Variants in DSCAML1 observed in about 807,000 individuals in gnomAD.
The protein encoded by DSCAML1 is DS cell adhesion molecule like 1.
Under a neutral mutation model 200.5 loss-of-function variants are expected in DSCAML1, and 38 were observed. The observed-to-expected ratio is 0.19, with a 90% CI of 0.15 to 0.25. DSCAML1 has a LOEUF of 0.25. Ranked by LOEUF, DSCAML1 falls within the 10% of genes least tolerant of loss-of-function variation. The probability of loss-of-function intolerance (pLI) is 1.00; values close to 1 mark genes in which losing one functional copy is unlikely to be tolerated. For synonymous variants in DSCAML1, 1,215 were observed against 1,165.0 expected (o/e 1.04, Z -0.87); for missense variants, 2,223 against 2,858.8 (o/e 0.78, Z 5.07).
chr11:117,559,335 C>T (rs956506750), intron 3 of DSCAML1, among the ~76,000 whole-genome samples: 1 of 152,150 alleles, frequency 6.6e-6, no homozygotes, highest in Admixed American at 6.5e-5. Context: ...CAAATCTTCA[C>T]ATTCCTTGTC....
At chr11:117,709,752 C>T (rs893869555) in intron 3 of DSCAML1, 2 of 454,568 alleles carry the variant, frequency 4.4e-6, no homozygotes, top group Non-Finnish European at 8.8e-6. Context: ...CTTCAGGGCA[C>T]TGGAAAGTCT....
At chr11:117,448,318 A>G (rs988666291) in intron 20 of DSCAML1, among the ~76,000 whole-genome samples, 5 of 152,194 alleles carry the variant, frequency 3.3e-5, no homozygotes, top group African/African-American at 9.6e-5. Flanking sequence ...ATCTGAGGCT[A>G]TAGAATTGCT....
chr11:117,806,926 T>C (rs1407305149), intron 1 of DSCAML1, among the ~76,000 whole-genome samples: 1 of 152,256 alleles, frequency 6.6e-6, no homozygotes, highest in Non-Finnish European at 1.5e-5. Flanking sequence ...CCCATCACCA[T>C]GAATTTTTCT....
intron 14 of DSCAML1, among the ~76,000 whole-genome samples, chr11:117,479,559 G>A (rs991484341): frequency 3.1e-4 from 47 of 152,144 alleles, no homozygotes; most frequent in Non-Finnish European, 2.8e-4. Context: ...CCCCAGATGC[G>A]GGGTGCCCAT....
At chr11:117,482,208 G>C in intron 11 of DSCAML1, 46 bp from the exon 12 acceptor site, 1 of 1,606,954 alleles carries the variant, frequency 6.2e-7, no homozygotes, top group African/African-American at 1.3e-5. Flanking sequence ...CGGGAGACCA[G>C]CCTGGAGGAG....
chr11:117,793,416 C>T (rs1200204023), intron 1 of DSCAML1, among the ~76,000 whole-genome samples: 2 of 152,158 alleles, frequency 1.3e-5, no homozygotes, highest in Non-Finnish European at 2.9e-5. Flanking sequence ...TGAGCATCTG[C>T]CCTCCCCTCT....
intron 3 of DSCAML1, among the ~76,000 whole-genome samples, chr11:117,553,581 C>T (rs900733605): frequency 6.6e-6 from 1 of 152,198 alleles, no homozygotes; most frequent in African/African-American, 2.4e-5. Context: ...TGAGATACTA[C>T]CTCATTCCCA....
chr11:117,692,433 TC>T (rs1170668936), intron 3 of DSCAML1, among the ~76,000 whole-genome samples: 1 of 151,666 alleles, frequency 6.6e-6, no homozygotes, highest in African/African-American at 2.4e-5. Context: ...CTCCCATCCC[TC>T]CCCCAAACAC....
At chr11:117,709,394 C>T (rs2053804360) in intron 3 of DSCAML1, among the ~76,000 whole-genome samples, 1 of 152,158 alleles carries the variant, frequency 6.6e-6, no homozygotes, top group Non-Finnish European at 1.5e-5. Flanking sequence ...CGAGTGAGCT[C>T]TATGGTATCT....
chr11:117,810,029 AT>A (rs1456825819), intron 1 of DSCAML1, among the ~76,000 whole-genome samples: 90 of 150,414 alleles, frequency 6.0e-4, no homozygotes, highest in African/African-American at 2.2e-3. Flanking sequence ...ATATTCAAAT[AT>A]TTTCACACAC....
intron 3 of DSCAML1, among the ~76,000 whole-genome samples, chr11:117,659,021 T>C (rs926097817): frequency 6.6e-6 from 1 of 152,126 alleles, no homozygotes; most frequent in Non-Finnish European, 1.5e-5. Flanking sequence ...CACCTCCCTC[T>C]CCTCTGACCC....
At chr11:117,507,463 G>A (rs1227699803) in intron 8 of DSCAML1, among the ~76,000 whole-genome samples, 1 of 152,200 alleles carries the variant, frequency 6.6e-6, no homozygotes, top group Non-Finnish European at 1.5e-5. Flanking sequence ...GAGCAGCCAG[G>A]TGTGGACACA....
At position 117,431,223 on chromosome 11, in the gene DSCAML1, A is replaced by G. The variant is rs575731345; in HGVS notation, c.5375-190T>C. On this transcript the variant is annotated intron_variant, in intron 31 of 32. Coordinates refer to ENST00000651296, the MANE Select transcript of DSCAML1 (RefSeq NM_020693.4). ...ATCTTTGGCTCATGAAGGGCAGAAC[A>G]CCTTTCATTCTTGAAAATAAGCAAC... 7.9e-5 allele frequency among the ~76,000 whole-genome samples: 12 copies of G among 152,234 alleles called. No individual in the cohort carries two copies. In the South Asian group the frequency reaches 2.5e-3, roughly 32 times the overall value.
chr11:117,769,596 A>G (rs2055003086), intron 3 of DSCAML1, among the ~76,000 whole-genome samples: 4 of 131,966 alleles, frequency 3.0e-5, no homozygotes, highest in Non-Finnish European at 6.2e-5. Flanking sequence ...TATATATAGT[A>G]TGTTAATTCT....
chr11:117,492,859 C>T (rs1436881092), intron 11 of DSCAML1, among the ~76,000 whole-genome samples: 5 of 152,200 alleles, frequency 3.3e-5, no homozygotes, highest in Non-Finnish European at 7.3e-5. Context: ...CTTAAAGAGC[C>T]AGGGCCATGG....
intron 4 of DSCAML1, among the ~76,000 whole-genome samples, chr11:117,526,187 T>A (rs2049975165): frequency 6.6e-6 from 1 of 152,212 alleles, no homozygotes; most frequent in East Asian, 1.9e-4. Flanking sequence ...GACCTCCTCC[T>A]GTTTTAAACC....
At chr11:117,669,202 C>T in intron 3 of DSCAML1, among the ~76,000 whole-genome samples, 1 of 152,230 alleles carries the variant, frequency 6.6e-6, no homozygotes, top group Non-Finnish European at 1.5e-5. Flanking sequence ...CAAAGGGCTT[C>T]CTGCTGGGGA....
rs551978907 is a variant in DSCAML1 at position 117,437,424 on chromosome 11, GGA to G, written c.4433-17_4433-16del. Reference sequence around the variant, plus strand: ...GAAGGAGGGCTCTGGCAGGCCGGAGGGAGAGAGAGAGGTTAGAGAGATTTGGT... The same window carrying G: ...GAAGGAGGGCTCTGGCAGGCCGGAGGGAGAGAGAGGTTAGAGAGATTTGGT... On this transcript the variant is annotated splice_polypyrimidine_tract_variant and intron_variant, in intron 25 of 32. Transcript: ENST00000651296. The surrounding 1 kb of genome is among the most constrained non-coding windows in gnomAD (Gnocchi z 5.3). 11 of 1,607,472 alleles carry G rather than the reference GGA, an allele frequency of 6.8e-6. No individual in the cohort carries two copies. The highest frequency in any genetic ancestry group is 5.5e-5 in the South Asian group (5 of 90,422).
rs1329606473 is a variant in DSCAML1, at chr11:117,516,706, G to A, written c.1544C>T (p.Thr515Ile). 3.1e-6 allele frequency: 5 copies of A among 1,613,962 alleles called. No homozygotes were observed. The highest frequency in any genetic ancestry group is 1.3e-5 in the African/African-American group (1 of 75,058). The change falls in exon 8 of 33, where the codon ACA becomes ATA. Residue 515 changes from threonine to isoleucine, a missense_variant. Thr to Ile is a moderately conservative substitution (Grantham distance 89). Transcript: ENST00000651296. The surrounding 1 kb of genome is among the most constrained non-coding windows in gnomAD (Gnocchi z 5.7). ...PPSIRAMRNI[T>I]AVAGRDTLIN... ...AAGGGTGTCCCGCCCGGCGACTGCT[G>A]TGATGTTCCGCATAGCCCGGATGCT...
Sources: allele counts gnomAD v4.1 joint callset (sites outside exome capture counted in the v4.1 genomes callset), GRCh38; gene constraint gnomAD v4.1.1; non-coding constraint Gnocchi (gnomAD v3.1); transcripts MANE v1.5; gene names NCBI Gene and HGNC (gene_info 2026-07-23, HGNC 2026-07-21).